E2F3: variants seen among roughly 807,000 people sequenced by gnomAD.
The protein encoded by E2F3 is E2F transcription factor 3.
Under a neutral mutation model 44.4 loss-of-function variants are expected in E2F3, and 11 were observed. The ratio of observed to expected loss-of-function variants is 0.25; its 90% CI spans 0.16 to 0.41. E2F3 has a LOEUF of 0.41. Among genes scored for constraint, E2F3 ranks in the 10% least tolerant of loss-of-function variants. The pLI is 1.00. For synonymous variants in E2F3, 249 were observed against 253.0 expected (o/e 0.98, Z 0.15); for missense variants, 487 against 583.6 (o/e 0.83, Z 1.70).
chr6:20,445,752 T>G (rs1008710737), intron 1 of E2F3, among the ~76,000 whole-genome samples: 21 of 152,198 alleles, frequency 1.4e-4, no homozygotes, highest in Non-Finnish European at 2.9e-4. Context: ...TTGATATACA[T>G]AAGACTTAAG....
At chr6:20,431,495 T>G (rs1400179920) in intron 1 of E2F3, among the ~76,000 whole-genome samples, 1 of 152,144 alleles carries the variant, frequency 6.6e-6, no homozygotes, top group Non-Finnish European at 1.5e-5. Context: ...CTGAACATAT[T>G]GCAACCTGTG....
At chr6:20,480,313 C>T (rs904316993) in intron 2 of E2F3, among the ~76,000 whole-genome samples, 2 of 152,182 alleles carry the variant, frequency 1.3e-5, no homozygotes, top group African/African-American at 4.8e-5. Context: ...ATGCCAGAGT[C>T]ACCAGTGTCT....
chr6:20,410,384 C>A (rs1581567577), intron 1 of E2F3, among the ~76,000 whole-genome samples: 1 of 152,156 alleles, frequency 6.6e-6, no homozygotes, highest in African/African-American at 2.4e-5. Context: ...TGCTCACTAG[C>A]CCTGTGACTT....
At chr6:20,427,951 A>C (rs1031468413) in intron 1 of E2F3, among the ~76,000 whole-genome samples, 1 of 152,200 alleles carries the variant, frequency 6.6e-6, no homozygotes, top group Non-Finnish European at 1.5e-5. Flanking sequence ...CTCGGTGAAC[A>C]CCGCTGTTCA....
chr6:20,470,506 G>C (rs963637473), intron 1 of E2F3, among the ~76,000 whole-genome samples: 1 of 152,196 alleles, frequency 6.6e-6, no homozygotes, highest in African/African-American at 2.4e-5. Context: ...GTCCAAGTGA[G>C]GTTCAGCTGT....
chr6:20,452,587 T>C (rs931665314), intron 1 of E2F3: 5 of 152,204 alleles, frequency 3.3e-5, no homozygotes, highest in African/African-American at 1.2e-4. Flanking sequence ...TATACTTTAT[T>C]GATATGGTTT....
chr6:20,477,705 C>T (rs768445455), intron 1 of E2F3, among the ~76,000 whole-genome samples: 4 of 151,804 alleles, frequency 2.6e-5, no homozygotes, highest in East Asian at 3.9e-4. Flanking sequence ...GGCATATGGG[C>T]ATATAAAGCA....
intron 1 of E2F3, chr6:20,403,848 G>C: frequency 6.9e-7 from 1 of 1,447,222 alleles, no homozygotes; most frequent in South Asian, 1.3e-5. Context: ...TGACCGGGAC[G>C]GCTCGGGGGC....
At chr6:20,430,292 C>T (rs1042345487) in intron 1 of E2F3, among the ~76,000 whole-genome samples, 2 of 152,112 alleles carry the variant, frequency 1.3e-5, no homozygotes, top group Non-Finnish European at 2.9e-5. Flanking sequence ...TTACTTAATG[C>T]TCTGTATTTT....
At chr6:20,452,934 C>T (rs534928753) in intron 1 of E2F3, among the ~76,000 whole-genome samples, 1 of 152,162 alleles carries the variant, frequency 6.6e-6, no homozygotes, top group African/African-American at 2.4e-5. Context: ...AGCCTGGTGA[C>T]AGAGTGAGAC....
intron 1 of E2F3, among the ~76,000 whole-genome samples, chr6:20,432,133 G>C (rs554477371): frequency 6.6e-6 from 1 of 152,254 alleles, no homozygotes; most frequent in Admixed American, 6.5e-5. Flanking sequence ...ACGGGGACGT[G>C]GGGGTGGGCG....
Position 20,454,161 on chromosome 6 carries a change from G to A in E2F3, c.394-25685G>A, listed in dbSNP as rs1041089684. Among the ~76,000 whole-genome samples, 3 of 152,106 alleles carry A rather than the reference G, an allele frequency of 2.0e-5. No homozygotes were observed. In the East Asian group the frequency reaches 5.8e-4, roughly 29 times the overall value. ...CCCTAAGAACAGGAGTTATCAAAGT[G>A]TGGTCTTCCCCAGACCAGCAGTCTC... On this transcript the variant is annotated intron_variant, in intron 1 of 6. Transcript: ENST00000346618.
Position 20,493,679 on chromosome 6 carries a change from G to A in E2F3, c.*3249G>A, listed in dbSNP as rs1377369808. ...GGTGTAATTTGAATAAATTTTGTAT[G>A]GTAAAGGATCAATAAAATGATTTTT... On this transcript the variant is annotated 3_prime_UTR_variant, in exon 7 of 7. Transcript: ENST00000346618. 1 of 197,236 alleles carries A rather than the reference G, an allele frequency of 5.1e-6. No homozygotes were observed. Among genetic ancestry groups the A allele is most frequent in the Non-Finnish European group, 1.0e-5 (1 of 95,248 alleles). 12.2% of individuals were successfully genotyped at this position (197,236 alleles called of 1,614,324 possible).
intron 1 of E2F3, among the ~76,000 whole-genome samples, chr6:20,459,655 T>G (rs1347447253): frequency 6.6e-6 from 1 of 152,190 alleles, no homozygotes; most frequent in Non-Finnish European, 1.5e-5. Flanking sequence ...TTTGTTTCCT[T>G]TTGAAAATCT....
chr6:20,484,952 C>CAAA (rs575881477), intron 4 of E2F3, among the ~76,000 whole-genome samples: 2 of 62,418 alleles, frequency 3.2e-5, no homozygotes, highest in Non-Finnish European at 7.4e-5. Flanking sequence ...GAGTCCGTCT[C>CAAA]AAAAAAAAAA....
chr6:20,473,937 G>A (rs1323060859), intron 1 of E2F3, among the ~76,000 whole-genome samples: 4 of 152,110 alleles, frequency 2.6e-5, no homozygotes, highest in Non-Finnish European at 4.4e-5. Flanking sequence ...ATGTTGATCA[G>A]TCTCAAGTCT....
In E2F3 at chr6:20,488,236, C is replaced by T; in HGVS notation, c.1123C>T (p.Pro375Ser). ...NQDHNGNIPKPASKDLASTNS... is the reference protein window; with the variant it reads ...NQDHNGNIPKSASKDLASTNS... ...AGACCACAATGGGAATATCCCTAAA[C>T]CCGCTTCCAAAGGTAAAAACTCCAC... The change falls in exon 6 of 7, where the codon CCC (proline) becomes TCC (serine). Residue 375 changes from proline to serine, a missense_variant. Pro to Ser is a moderately conservative substitution (Grantham distance 74). Around this residue, in one of 3 missense-constraint regions of E2F3, gnomAD observed 220 missense variants for 261.7 expected, o/e 0.84. Transcript: ENST00000346618. The T allele has an allele frequency of 6.3e-7, 1 of 1,588,490 alleles. No homozygotes were observed. The highest frequency in any genetic ancestry group is 8.5e-7 in the Non-Finnish European group (1 of 1,173,410).
In E2F3 at chr6:20,402,046, G is replaced by A; in HGVS notation, c.-187G>A. 2 of 1,053,576 alleles carry A rather than the reference G, an allele frequency of 1.9e-6. No individual in the cohort carries two copies. The highest frequency in any genetic ancestry group is 2.6e-6 in the Non-Finnish European group (2 of 782,544). The allele number at this position is 1,053,576 out of a possible 1,614,324, so 65.3% of individuals were successfully genotyped here. A position where few individuals can be genotyped will look rare whatever the true frequency, so the allele number is the denominator to read the frequency against. ...GGGACCCTCCTCTCTCCAGAGCCCC[G>A]ATTATTTTTGGCCCCCGGGGCCTGT... On this transcript the variant is annotated 5_prime_UTR_variant, in exon 1 of 7. Coordinates refer to ENST00000346618, the MANE Select transcript of E2F3 (RefSeq NM_001949.5). This position sits in a 1 kb window ranked among gnomAD's most constrained non-coding sequence, Gnocchi z 5.6.
intron 2 of E2F3, among the ~76,000 whole-genome samples, chr6:20,480,210 G>A (rs994719014): frequency 6.6e-6 from 1 of 152,140 alleles, no homozygotes; most frequent in Non-Finnish European, 1.5e-5. Context: ...CTCGGAATAC[G>A]AACTTTTGGC....
Sources: gnomAD v4.1 joint callset for allele counts (sites outside exome capture counted in the v4.1 genomes callset) on GRCh38, gnomAD v4.1.1 for gene constraint, gnomAD v4.1.1 regional missense constraint, Gnocchi (gnomAD v3.1) non-coding constraint, MANE v1.5 for transcripts, NCBI Gene and HGNC (gene_info 2026-07-23, HGNC 2026-07-21) for gene names.